Variants in NUDT4 observed in about 807,000 individuals in gnomAD.
The protein encoded by NUDT4 is diphosphoinositol polyphosphate phosphohydrolase 2.
NUDT4 carries 5 observed loss-of-function variants against 23.1 expected under a neutral mutation model. The ratio of observed to expected loss-of-function variants is 0.22; its 90% CI spans 0.11 to 0.46. The LOEUF (loss-of-function observed/expected upper bound fraction) is 0.46, where lower values mean the gene tolerates loss of function less well. NUDT4 is among the 20% of genes least tolerant of loss of function. The probability of loss-of-function intolerance (pLI) is 0.99; values close to 1 mark genes in which losing one functional copy is unlikely to be tolerated. For missense variants in NUDT4, 96 were observed against 211.6 expected (o/e 0.45, Z 3.39); for synonymous variants, 50 against 79.0 (o/e 0.63, Z 1.95).
chr12:93,391,003 A>T (rs990308825), intron 1 of NUDT4, among the ~76,000 whole-genome samples: 2 of 152,112 alleles, frequency 1.3e-5, no homozygotes, highest in Non-Finnish European at 1.5e-5. Flanking sequence ...TGTCAGCTTG[A>T]AACTTTCCAG....
rs1454151953 is a variant in NUDT4 at position 93,402,741 on chromosome 12, G to A, written c.*3362G>A. On this transcript the variant is annotated 3_prime_UTR_variant, in exon 5 of 5. Coordinates refer to ENST00000415493, the MANE Select transcript of NUDT4 (RefSeq NM_019094.6). ...GAGTTGTGTCATTATTTTAATGAAT[G>A]TGAGCTCTTGACTTACTCTAGAATT... 1.3e-5 allele frequency: 2 copies of A among 152,058 alleles called. No homozygotes were observed. The highest frequency in any genetic ancestry group is 4.8e-5 in the African/African-American group (2 of 41,402). The allele number at this position is 152,058 out of a possible 1,614,324, so 9.4% of individuals were successfully genotyped here.
intron 1 of NUDT4, chr12:93,385,187 TTATC>T (rs1875967870): frequency 6.6e-6 from 1 of 152,300 alleles, no homozygotes; most frequent in African/African-American, 2.4e-5. Flanking sequence ...TTTCTGGTAA[TTATC>T]TAATACATGG....
At chr12:93,391,274 C>T (rs189516419) in intron 1 of NUDT4, among the ~76,000 whole-genome samples, 13 of 151,866 alleles carry the variant, frequency 8.6e-5, no homozygotes, top group African/African-American at 2.4e-4. Flanking sequence ...CAAAATAATA[C>T]GAAAATCAGA....
chr12:93,387,545 G>C (rs545794094), intron 1 of NUDT4, among the ~76,000 whole-genome samples: 1 of 152,114 alleles, frequency 6.6e-6, no homozygotes, highest in East Asian at 1.9e-4. Flanking sequence ...CAGGTGTGGC[G>C]GTTCTTAGGA....
In NUDT4 at chr12:93,405,117, TAA is replaced by T. The variant is rs1877732444; in HGVS notation, c.*5739_*5740del. 6.6e-6 allele frequency: 1 copy of T among 152,166 alleles called. No homozygotes were observed. The highest frequency in any genetic ancestry group is 2.4e-5 in the African/African-American group (1 of 41,428). The allele number at this position is 152,166 out of a possible 1,614,324, so 9.4% of individuals were successfully genotyped here. Reference sequence around the variant, plus strand: ...AGTCCTGATGTGTCCTGTTAAAACCTAAGAGAAACAGCACCAAGTTCAATCTA... The same window carrying T: ...AGTCCTGATGTGTCCTGTTAAAACCTGAGAAACAGCACCAAGTTCAATCTA... On this transcript the variant is annotated 3_prime_UTR_variant, in exon 5 of 5. Transcript: ENST00000415493.
rs1439340247 is a variant in NUDT4 at position 93,404,929 on chromosome 12, T to TA, written c.*5551dup. On this transcript the variant is annotated 3_prime_UTR_variant, in exon 5 of 5. Transcript: ENST00000415493. Reference sequence around the variant, plus strand: ...TAGGTTTTTTTTTTTTTAAAAAAAATACTATGCCCATTTGTTTACAAATCG... The same window carrying TA: ...TAGGTTTTTTTTTTTTTAAAAAAAATAACTATGCCCATTTGTTTACAAATCG... 8.7e-5 allele frequency: 13 copies of TA among 149,244 alleles called. No individual in the cohort carries two copies. 9.2% of individuals were successfully genotyped at this position (149,244 alleles called of 1,614,324 possible). A position where few individuals can be genotyped will look rare whatever the true frequency, so the allele number is the denominator to read the frequency against.
chr12:93,404,409 AGC>A lies in NUDT4; in HGVS notation c.*5031_*5032del, dbSNP rs1020960513. The stretch of plus-strand genomic sequence containing the variant: ...TGGAAACTGATACAGCCTGTCGGAG[AGC>A]TACTGAGTAGTATTTTATCACAGCT... On this transcript the variant is annotated 3_prime_UTR_variant, in exon 5 of 5. Transcript: ENST00000415493. The A allele has an allele frequency of 6.6e-6, 1 of 152,226 alleles. No individual in the cohort carries two copies. Among genetic ancestry groups the A allele is most frequent in the Non-Finnish European group, 1.5e-5 (1 of 68,038 alleles). 9.4% of individuals were successfully genotyped at this position (152,226 alleles called of 1,614,324 possible).
chr12:93,395,966 A>G (rs1473931234), intron 3 of NUDT4, among the ~76,000 whole-genome samples: 1 of 151,852 alleles, frequency 6.6e-6, no homozygotes, highest in Non-Finnish European at 1.5e-5. Context: ...TGATCCGCCC[A>G]CCTCGGCCTC....
chr12:93,379,493 T>A (rs1875480208), intron 1 of NUDT4, among the ~76,000 whole-genome samples: 1 of 152,220 alleles, frequency 6.6e-6, no homozygotes, highest in Admixed American at 6.5e-5. Context: ...TTGTGATGAA[T>A]ATGACACAGA....
chr12:93,392,099 G>A (rs1407304432), intron 1 of NUDT4, among the ~76,000 whole-genome samples: 1 of 151,828 alleles, frequency 6.6e-6, no homozygotes, highest in East Asian at 1.9e-4. Context: ...GGCCAGGTTG[G>A]TCTTGAACCC....
At chr12:93,379,328 A>G (rs1268370235) in intron 1 of NUDT4, among the ~76,000 whole-genome samples, 1 of 152,234 alleles carries the variant, frequency 6.6e-6, no homozygotes, top group Admixed American at 6.5e-5. Context: ...GCTTAGGGCA[A>G]TAGTAGCCTT....
intron 1 of NUDT4, among the ~76,000 whole-genome samples, chr12:93,392,867 C>T (rs7968097): frequency 0.032 from 4,189 of 129,500 alleles, 229 homozygotes; most frequent in African/African-American, 0.075. Context: ...TTAGTAAAGA[C>T]GGGGTTTCAC....
chr12:93,380,332 G>C (rs1336080359), intron 1 of NUDT4, among the ~76,000 whole-genome samples: 1 of 152,178 alleles, frequency 6.6e-6, no homozygotes, highest in Non-Finnish European at 1.5e-5. Context: ...AAGACTGATA[G>C]AAGCTTTAGG....
At chr12:93,387,626 G>A (rs1876203485) in intron 1 of NUDT4, among the ~76,000 whole-genome samples, 1 of 152,126 alleles carries the variant, frequency 6.6e-6, no homozygotes, top group Non-Finnish European at 1.5e-5. Flanking sequence ...TCTGTTGTCT[G>A]CCTAATTAAA....
At chr12:93,395,440 A>G in intron 2 of NUDT4, 49 bp from the exon 3 acceptor site, 1 of 1,318,994 alleles carries the variant, frequency 7.6e-7, no homozygotes, top group Non-Finnish European at 1.1e-6. Context: ...ATTTATATAC[A>G]TTTTGTTATA....
intron 1 of NUDT4, among the ~76,000 whole-genome samples, chr12:93,392,591 G>A (rs1876624374): frequency 7.1e-6 from 1 of 140,578 alleles, no homozygotes; most frequent in South Asian, 2.4e-4. Context: ...TGTAATACCT[G>A]TTACCTGTTA....
rs1387174544 is a variant in NUDT4 at position 93,402,133 on chromosome 12, C to G, written c.*2754C>G. The G allele has an allele frequency of 6.6e-6, 1 of 151,220 alleles. No homozygotes were observed. Among genetic ancestry groups the G allele is most frequent in the African/African-American group, 2.4e-5 (1 of 41,242 alleles). 9.4% of individuals were successfully genotyped at this position (151,220 alleles called of 1,614,324 possible). A position where few individuals can be genotyped will look rare whatever the true frequency, so the allele number is the denominator to read the frequency against. ...GCCATCCAATTTTCTGTCAATCACACTGTTGTATAAAGCAGCAGAACTGAA... is the reference window on the plus strand; with the variant it reads ...GCCATCCAATTTTCTGTCAATCACAGTGTTGTATAAAGCAGCAGAACTGAA... On this transcript the variant is annotated 3_prime_UTR_variant, in exon 5 of 5. Transcript: ENST00000415493.
intron 1 of NUDT4, among the ~76,000 whole-genome samples, chr12:93,389,600 T>TG (rs980515407): frequency 4.6e-5 from 7 of 152,042 alleles, no homozygotes; most frequent in Admixed American, 3.9e-4. Context: ...GATGCAGGAT[T>TG]GGTTTTAAAT....
chr12:93,391,756 A>G (rs985638279), intron 1 of NUDT4, among the ~76,000 whole-genome samples: 2 of 152,156 alleles, frequency 1.3e-5, no homozygotes, highest in African/African-American at 4.8e-5. Flanking sequence ...CATCATCTCT[A>G]TGCACACTGG....
Sources: gnomAD v4.1 joint callset for allele counts (sites outside exome capture counted in the v4.1 genomes callset) on GRCh38, gnomAD v4.1.1 for gene constraint, MANE v1.5 for transcripts, NCBI Gene and HGNC (gene_info 2026-07-23, HGNC 2026-07-21) for gene names.